The following ACSL6 variants were observed in gnomAD, a reference collection of about 807,000 sequenced individuals.
ACSL6 encodes the protein long-chain-fatty-acid--CoA ligase 6.
Under a neutral mutation model 98.2 loss-of-function variants are expected in ACSL6, and 47 were observed. The observed-to-expected ratio is 0.48, with a 90% CI of 0.38 to 0.61. The LOEUF (loss-of-function observed/expected upper bound fraction) is 0.61, where lower values mean the gene tolerates loss of function less well. Among genes scored for constraint, ACSL6 ranks in the 20% least tolerant of loss-of-function variants. The probability of loss-of-function intolerance (pLI) is 0.00; values close to 1 mark genes in which losing one functional copy is unlikely to be tolerated. For synonymous variants in ACSL6, 362 were observed against 336.9 expected, an observed-to-expected ratio of 1.07 and a Z score of -0.82; for missense variants, 761 against 913.4, an observed-to-expected ratio of 0.83 and a Z score of 2.15.
At chr5:131,990,593 A>G (rs1754451327) in intron 3 of ACSL6, among the ~76,000 whole-genome samples, 1 of 152,082 alleles carries the variant, frequency 6.6e-6, no homozygotes, top group Non-Finnish European at 1.5e-5. Context: ...AGGCTCCCCA[A>G]GAGTATAGAG....
At chr5:131,986,774 C>T (rs1754210432) in intron 8 of ACSL6, 48 bp downstream of exon 8, 2 of 1,610,922 alleles carry the variant, frequency 1.2e-6, no homozygotes, top group Non-Finnish European at 1.7e-6. Flanking sequence ...GAGGACAGGC[C>T]CTGCACGCCA....
intron 7 of ACSL6, 104 bp from the exon 8 acceptor site, chr5:131,986,958 C>T: frequency 4.4e-6 from 4 of 904,078 alleles, no homozygotes; most frequent in Non-Finnish European, 1.7e-6. Context: ...CATACACATA[C>T]ACACACACAC....
At chr5:131,990,589 C>G (rs538432247) in intron 3 of ACSL6, among the ~76,000 whole-genome samples, 1 of 152,224 alleles carries the variant, frequency 6.6e-6, no homozygotes, top group South Asian at 2.1e-4. Flanking sequence ...TTCAAGGCTC[C>G]CCAAGAGTAT....
At chr5:131,971,714 A>G (rs1056697362) in intron 13 of ACSL6, 69 bp from the exon 14 acceptor site, 11 of 1,368,330 alleles carry the variant, frequency 8.0e-6, no homozygotes, top group Non-Finnish European at 1.1e-5. Context: ...TCTGGGTTTC[A>G]TCCAAGGTCA....
At chr5:132,002,667 G>A (rs938384071) in intron 1 of ACSL6, among the ~76,000 whole-genome samples, 1 of 152,298 alleles carries the variant, frequency 6.6e-6, no homozygotes, top group South Asian at 2.1e-4. Context: ...GAGAGGATCC[G>A]AGCTGGGTGG....
chr5:131,966,572 G>T, intron 16 of ACSL6, 40 bp from the exon 17 acceptor site: 1 of 1,557,888 alleles, frequency 6.4e-7, no homozygotes, highest in South Asian at 1.1e-5. Context: ...GCCACATCAT[G>T]AGGAATCAGG....
At chr5:131,997,820 C>G (rs1754871043) in intron 1 of ACSL6, among the ~76,000 whole-genome samples, 1 of 152,228 alleles carries the variant, frequency 6.6e-6, no homozygotes, top group African/African-American at 2.4e-5. Context: ...CTTGGCTGGG[C>G]AGCAACCAGA....
intron 11 of ACSL6, chr5:131,974,656 C>A: frequency 7.6e-7 from 1 of 1,320,782 alleles, no homozygotes. Flanking sequence ...CTTCTGAGGA[C>A]AGGGCAGTTT....
At chr5:131,979,189 A>G (rs2126851976) in intron 9 of ACSL6, among the ~76,000 whole-genome samples, 1 of 152,340 alleles carries the variant, frequency 6.6e-6, no homozygotes, top group East Asian at 1.9e-4. Flanking sequence ...ACCTGGGCCC[A>G]CAGAGTACCT....
rs895651278 is a variant in ACSL6, at chr5:131,951,867, A to G, written c.*2367T>C. The G allele has an allele frequency of 7.5e-5, 12 of 159,224 alleles. No individual in the cohort carries two copies. The highest frequency in any genetic ancestry group is 1.1e-4 in the Non-Finnish European group (8 of 74,358). The allele number at this position is 159,224 out of a possible 1,614,324, so 9.9% of individuals were successfully genotyped here. ...CTCCCAAAGTGCTGGGATTACAGGC[A>G]TGAGCCACCGCGCCCAGCCAAAAAG... On this transcript the variant is annotated 3_prime_UTR_variant, in exon 21 of 21. Coordinates refer to ENST00000651883, the MANE Select transcript of ACSL6 (RefSeq NM_001009185.3).
chr5:131,962,194 C>T (rs945398417), intron 18 of ACSL6, among the ~76,000 whole-genome samples: 9 of 151,814 alleles, frequency 5.9e-5, no homozygotes, highest in Admixed American at 4.6e-4. Context: ...AGAGCGAGAC[C>T]CTGTCTCAAT....
chr5:131,987,939 C>A (rs763325772), intron 7 of ACSL6, 109 bp downstream of exon 7: 11 of 1,411,090 alleles, frequency 7.8e-6, no homozygotes, highest in African/African-American at 1.4e-5. Flanking sequence ...ATATACCCTG[C>A]GGGCCCAAAA....
intron 13 of ACSL6, among the ~76,000 whole-genome samples, chr5:131,972,493 T>C (rs572393166): frequency 1.3e-5 from 2 of 152,146 alleles, no homozygotes; most frequent in Non-Finnish European, 2.9e-5. Context: ...TCAAGGGACC[T>C]ACTATCCATA....
intron 9 of ACSL6, chr5:131,983,546 T>A (rs1754011575): frequency 6.6e-6 from 1 of 152,252 alleles, no homozygotes; most frequent in Admixed American, 6.5e-5. Context: ...GGAAGCTGTA[T>A]CTGGGCTGTG....
intron 11 of ACSL6, chr5:131,973,884 C>G (rs138832529): frequency 1.3e-5 from 2 of 154,262 alleles, no homozygotes; most frequent in Non-Finnish European, 2.9e-5. Flanking sequence ...TAGTGCGAGG[C>G]CAAGGGGGAG....
At chr5:131,988,529 G>A in intron 6 of ACSL6, 1 of 1,607,150 alleles carries the variant, frequency 6.2e-7, no homozygotes, top group South Asian at 1.1e-5. Context: ...TCTGTGCCAA[G>A]CTGTCATGAA....
chr5:132,003,486 T>C (rs1022652701), intron 1 of ACSL6: 4 of 152,172 alleles, frequency 2.6e-5, no homozygotes, highest in African/African-American at 7.2e-5. Context: ...AATATGCAAA[T>C]GGCCGCCTCC....
intron 15 of ACSL6, among the ~76,000 whole-genome samples, chr5:131,969,210 C>A (rs1391098757): frequency 6.6e-6 from 1 of 152,152 alleles, no homozygotes; most frequent in African/African-American, 2.4e-5. Context: ...GGATGATGTG[C>A]ATGTGAAAGA....
intron 4 of ACSL6, among the ~76,000 whole-genome samples, chr5:131,989,762 T>A (rs1436375071): frequency 6.6e-6 from 1 of 151,930 alleles, no homozygotes; most frequent in Non-Finnish European, 1.5e-5. Context: ...CCTGGCTAAT[T>A]TTTTGTATTT....
Sources: gnomAD v4.1 joint callset for allele counts (sites outside exome capture counted in the v4.1 genomes callset) on GRCh38, gnomAD v4.1.1 for gene constraint, MANE v1.5 for transcripts, NCBI Gene and HGNC (gene_info 2026-07-23, HGNC 2026-07-21) for gene names.